IFRD1: variants seen among roughly 807,000 people sequenced by gnomAD.
The protein encoded by IFRD1 is interferon related developmental regulator 1.
IFRD1 carries 35 observed loss-of-function variants against 52.9 expected under a neutral mutation model. The ratio of observed to expected loss-of-function variants is 0.66; its 90% CI spans 0.51 to 0.88. IFRD1 has a LOEUF of 0.88. Among genes scored for constraint, IFRD1 ranks in the 40% least tolerant of loss-of-function variants. The pLI, the probability that IFRD1 is intolerant of heterozygous loss-of-function variation, is 0.00. For missense variants in IFRD1, 517 were observed against 550.8 expected, an observed-to-expected ratio of 0.94 and a Z score of 0.61; for synonymous variants, 184 against 188.4, an observed-to-expected ratio of 0.98 and a Z score of 0.19.
In IFRD1 at chr7:112,430,898, G is replaced by A. The variant is rs988795341; in HGVS notation, c.-182+7466G>A. ...ATCATGTTTCACCTAGGTCAGCACCGTGTTCCCCAGCTAATTGATACAGAA... is the reference window on the plus strand; with the variant it reads ...ATCATGTTTCACCTAGGTCAGCACCATGTTCCCCAGCTAATTGATACAGAA... On this transcript the variant is annotated intron_variant, in intron 1 of 12. Transcript: ENST00000005558. Among the ~76,000 whole-genome samples, 7 of 152,144 alleles carry A rather than the reference G, an allele frequency of 4.6e-5. No homozygotes were observed. The East Asian group carries it at 7.7e-4, about 17-fold the overall frequency.
upstream of IFRD1, among the ~76,000 whole-genome samples, chr7:112,445,464 G>A (rs1795006353): frequency 6.6e-6 from 1 of 152,132 alleles, no homozygotes; most frequent in African/African-American, 2.4e-5. Flanking sequence ...TCCACAAAAT[G>A]GTAAAACTAA....
At chr7:112,451,522 G>C (rs1448002386) in intron 1 of IFRD1, among the ~76,000 whole-genome samples, 3 of 152,364 alleles carry the variant, frequency 2.0e-5, no homozygotes, top group Admixed American at 1.3e-4. Flanking sequence ...TCTGCAGTGA[G>C]CCCCAGAGAG....
chr7:112,467,202 A>C (rs575246587), intron 8 of IFRD1, among the ~76,000 whole-genome samples: 2 of 152,228 alleles, frequency 1.3e-5, no homozygotes, highest in Non-Finnish European at 2.9e-5. Context: ...AATAAATGTT[A>C]AACATGTATG....
intron 5 of IFRD1, among the ~76,000 whole-genome samples, chr7:112,461,052 A>G (rs929407067): frequency 2.6e-5 from 4 of 152,200 alleles, no homozygotes; most frequent in Admixed American, 6.6e-5. Context: ...CTTTGTAATC[A>G]TATACTATAC....
chr7:112,424,297 G>A (rs1270119867), intron 1 of IFRD1, among the ~76,000 whole-genome samples: 2 of 152,166 alleles, frequency 1.3e-5, no homozygotes, highest in Non-Finnish European at 1.5e-5. Flanking sequence ...GTTGTAAATT[G>A]ACTGTGCTGT....
intron 1 of IFRD1, among the ~76,000 whole-genome samples, chr7:112,433,788 T>G (rs946822711): frequency 6.6e-6 from 1 of 152,186 alleles, no homozygotes; most frequent in Non-Finnish European, 1.5e-5. Flanking sequence ...ATTTTCTCAG[T>G]TATAATTTTT....
chr7:112,457,501 C>T (rs1795325608), intron 4 of IFRD1: 1 of 167,304 alleles, frequency 6.0e-6, no homozygotes, highest in Non-Finnish European at 1.3e-5. Flanking sequence ...ACTTTTAAGA[C>T]CAAAGAGAAA....
At chr7:112,435,772 T>C (rs1234151812) in intron 1 of IFRD1, among the ~76,000 whole-genome samples, 1 of 152,180 alleles carries the variant, frequency 6.6e-6, no homozygotes, top group Non-Finnish European at 1.5e-5. Context: ...AGGTTTTAGT[T>C]GGCTCTTACT....
In IFRD1 at chr7:112,450,724, C is replaced by T; in HGVS notation, c.36C>T (p.Arg12=). Residue 12 remains arginine (R), a synonymous_variant, in exon 1 of 12, where the codon CGC becomes CGT. Coordinates refer to ENST00000403825, the MANE Select transcript of IFRD1 (RefSeq NM_001550.4). ...ACAAGAAGCGGAACACTCCCCACCG[C>T]GGTAGCAGTGCTGGCGGCGGCGGGT... ...PKNKKRNTPH[R]GSSAGGGGSG... 6.2e-7 allele frequency: 1 copy of T among 1,612,944 alleles called. No individual in the cohort carries two copies. Among genetic ancestry groups the T allele is most frequent in the Non-Finnish European group, 8.5e-7 (1 of 1,179,886 alleles).
At chr7:112,425,680 C>T (rs1794413570) in intron 1 of IFRD1, among the ~76,000 whole-genome samples, 2 of 152,106 alleles carry the variant, frequency 1.3e-5, no homozygotes, top group South Asian at 2.1e-4. Context: ...TTGTGGGACT[C>T]CTCTACCTCT....
In IFRD1 at chr7:112,450,462, C is replaced by G. The variant is rs908872916; in HGVS notation, c.-227C>G. ...GGCGTCGTGGCCTCCCCTGCCCCGC[C>G]TTAGCTCCCGCGCTAGAGAGAAACA... On this transcript the variant is annotated 5_prime_UTR_variant, in exon 1 of 12. Coordinates refer to ENST00000403825, the MANE Select transcript of IFRD1 (RefSeq NM_001550.4). The G allele has an allele frequency of 3.4e-6, 2 of 581,734 alleles. No individual in the cohort carries two copies. Among genetic ancestry groups the G allele is most frequent in the Non-Finnish European group, 6.2e-6 (2 of 321,338 alleles). 36.0% of individuals were successfully genotyped at this position (581,734 alleles called of 1,614,324 possible).
rs1795913618 is a variant in IFRD1, at chr7:112,476,743, A to AATTTAGATTAAACTTTAGAT, written c.*1224_*1225insATTTAGATTAAACTTTAGAT. Reference sequence around the variant, plus strand: ...CATTTTGACAACACGTTAACATTTAATAAACTTTAGATTAAAATATATAGT... The same window carrying AATTTAGATTAAACTTTAGAT: ...CATTTTGACAACACGTTAACATTTAAATTTAGATTAAACTTTAGATTAAACTTTAGATTAAAATATATAGT... On this transcript the variant is annotated 3_prime_UTR_variant, in exon 12 of 12. Transcript: ENST00000403825. 6.6e-6 allele frequency: 1 copy of AATTTAGATTAAACTTTAGAT among 152,254 alleles called. No homozygotes were observed. Among genetic ancestry groups the AATTTAGATTAAACTTTAGAT allele is most frequent in the Non-Finnish European group, 1.5e-5 (1 of 68,042 alleles). The allele number at this position is 152,254 out of a possible 1,614,324, so 9.4% of individuals were successfully genotyped here.
upstream of IFRD1, among the ~76,000 whole-genome samples, chr7:112,448,905 G>A (rs1402441059): frequency 2.0e-5 from 3 of 152,174 alleles, no homozygotes; most frequent in Non-Finnish European, 4.4e-5. Flanking sequence ...AGGAAATGGA[G>A]GTAGGAGAAG....
At chr7:112,442,070 C>T (rs1187044542) in intron 1 of IFRD1, among the ~76,000 whole-genome samples, 1 of 152,188 alleles carries the variant, frequency 6.6e-6, no homozygotes, top group African/African-American at 2.4e-5. Context: ...TGCACACAGT[C>T]ACCAAACTAG....
At chr7:112,432,253 T>C (rs1366978500) in intron 1 of IFRD1, among the ~76,000 whole-genome samples, 1 of 152,230 alleles carries the variant, frequency 6.6e-6, no homozygotes, top group Non-Finnish European at 1.5e-5. Flanking sequence ...ATTCTCACTA[T>C]AGTGTGGTAA....
Position 112,450,693 on chromosome 7 carries a change from C to A in IFRD1, c.5C>A (p.Pro2Gln). The A allele has an allele frequency of 3.1e-6, 5 of 1,612,682 alleles. No individual in the cohort carries two copies. Among genetic ancestry groups the A allele is most frequent in the Non-Finnish European group, 4.2e-6 (5 of 1,179,742 alleles). ...GGCGGCACCGGGCGTCCCACGATGCCGAAGAACAAGAAGCGGAACACTCCC... is the reference window on the plus strand; with the variant it reads ...GGCGGCACCGGGCGTCCCACGATGCAGAAGAACAAGAAGCGGAACACTCCC... M[P>Q]KNKKRNTPHR... Residue 2 changes from proline to glutamine, a missense_variant, in exon 1 of 12, where the codon CCG becomes CAG. Pro to Gln is a moderately conservative substitution (Grantham distance 76). Coordinates refer to ENST00000403825, the MANE Select transcript of IFRD1 (RefSeq NM_001550.4).
intron 5 of IFRD1, among the ~76,000 whole-genome samples, chr7:112,461,008 G>A (rs1054242290): frequency 2.6e-5 from 4 of 152,112 alleles, no homozygotes; most frequent in Non-Finnish European, 5.9e-5. Flanking sequence ...TGTAAGTGTT[G>A]TGTTCTGAGT....
In IFRD1 at chr7:112,462,303, T is replaced by G. The variant is rs758553704; in HGVS notation, c.831T>G (p.Cys277Trp). The change falls in exon 8 of 12, where the codon TGT (cysteine) becomes TGG (tryptophan). Residue 277 changes from cysteine (C) to tryptophan (W), a missense_variant. By Grantham distance (215) the Cys-to-Trp change is radical (BLOSUM62 -2). Coordinates refer to ENST00000403825, the MANE Select transcript of IFRD1 (RefSeq NM_001550.4). ...ATAAGCTTCCAAGCCTCCTCTCTTG[T>G]GATGATGTAAACATGAGAATAGCTG... ...HFHKLPSLLS[C>W]DDVNMRIAAG... 6.2e-7 allele frequency: 1 copy of G among 1,613,828 alleles called. No homozygotes were observed. Among genetic ancestry groups the G allele is most frequent in the Admixed American group, 1.7e-5 (1 of 59,940 alleles).
chr7:112,474,427 T>C (rs765999784), intron 11 of IFRD1, among the ~76,000 whole-genome samples: 10 of 152,236 alleles, frequency 6.6e-5, no homozygotes, highest in Non-Finnish European at 4.4e-5. Context: ...ATTTTAATTA[T>C]AGCCATTCTG....
Sources: gnomAD v4.1 joint callset for allele counts (sites outside exome capture counted in the v4.1 genomes callset) on GRCh38, gnomAD v4.1.1 for gene constraint, MANE v1.5 for transcripts, NCBI Gene and HGNC (gene_info 2026-07-23, HGNC 2026-07-21) for gene names.